ITGB8: variants seen among roughly 807,000 people sequenced by gnomAD.
ITGB8 encodes the protein integrin beta-8.
Under a neutral mutation model 89.5 loss-of-function variants are expected in ITGB8, and 30 were observed. That is an observed-to-expected ratio of 0.34 (90% CI 0.25 to 0.45). The LOEUF is 0.45. ITGB8 is among the 20% of genes least tolerant of loss of function. The probability of loss-of-function intolerance (pLI) is 1.00; values close to 1 mark genes in which losing one functional copy is unlikely to be tolerated. For synonymous variants in ITGB8, 335 were observed against 320.4 expected (o/e 1.05, Z -0.49); for missense variants, 836 against 933.3 (o/e 0.90, Z 1.36).
rs1269305964 is a variant in ITGB8, at chr7:20,398,958, C to A, written c.1245C>A (p.Gly415=). 1.2e-6 allele frequency: 2 copies of A among 1,613,462 alleles called. No individual in the cohort carries two copies. Among genetic ancestry groups the A allele is most frequent in the Non-Finnish European group, 1.7e-6 (2 of 1,179,830 alleles). The change falls in exon 9 of 14, where the codon GGC becomes GGA. Residue 415 remains glycine, a synonymous_variant. Transcript: ENST00000222573. ...AICPDGSRKP[G]MEGCRNVTSN... is the part of the protein sequence containing the mutation. ...GTCCAGATGGGTCCAGAAAGCCAGG[C>A]ATGGAAGGATGCAGAAACGTGACGA...
intron 1 of ITGB8, chr7:20,352,805 G>A (rs1165199602): frequency 6.6e-6 from 1 of 152,208 alleles, no homozygotes; most frequent in Non-Finnish European, 1.5e-5. Flanking sequence ...AGGAGTTTCA[G>A]TTTACACGTC....
intron 5 of ITGB8, 96 bp downstream of exon 5, chr7:20,380,927 T>A: frequency 9.3e-7 from 1 of 1,073,184 alleles, no homozygotes; most frequent in Non-Finnish European, 1.4e-6. Context: ...AGTGAAAACG[T>A]AGTGTAGAAG....
rs1183669789 is a variant in ITGB8, at chr7:20,411,845, G to A, written c.*1848G>A. ...GAACAGTGTTCCCTGGAGTTCTCCA[G>A]TGCTCAGCTTGAGACCTTGATACAC... is the stretch of plus-strand genomic sequence containing the variant. On this transcript the variant is annotated 3_prime_UTR_variant, in exon 14 of 14. Transcript: ENST00000222573. 6.6e-6 allele frequency: 1 copy of A among 152,228 alleles called. No individual in the cohort carries two copies. Among genetic ancestry groups the A allele is most frequent in the African/African-American group, 2.4e-5 (1 of 41,432 alleles). The allele number at this position is 152,228 out of a possible 1,614,324, so 9.4% of individuals were successfully genotyped here.
intron 8 of ITGB8, among the ~76,000 whole-genome samples, chr7:20,396,424 C>A (rs1263635239): frequency 1.3e-5 from 2 of 148,676 alleles, no homozygotes; most frequent in Non-Finnish European, 3.0e-5. Flanking sequence ...CAGAGCAAGA[C>A]TCCATCTCAA....
chr7:20,402,274 T>C, intron 10 of ITGB8, 148 bp downstream of exon 10: 1 of 634,862 alleles, frequency 1.6e-6, no homozygotes, highest in South Asian at 2.8e-5. Flanking sequence ...AATTAGGGCA[T>C]GGCAACAGAT....
chr7:20,403,017 T>C (rs1056449873), intron 10 of ITGB8, among the ~76,000 whole-genome samples: 1 of 152,228 alleles, frequency 6.6e-6, no homozygotes, highest in Non-Finnish European at 1.5e-5. Context: ...GTTAAATTAT[T>C]GACGAATGGA....
At chr7:20,347,553 A>G (rs118054694) in intron 1 of ITGB8, among the ~76,000 whole-genome samples, 2,923 of 152,356 alleles carry the variant, frequency 0.019, 51 homozygotes, top group Non-Finnish European at 0.028. Context: ...AGGCTGTGGT[A>G]GAGAGAGGAG....
intron 5 of ITGB8, 76 bp from the exon 6 acceptor site, chr7:20,381,651 A>T: frequency 1.8e-6 from 2 of 1,112,100 alleles, no homozygotes; most frequent in Non-Finnish European, 2.6e-6. Flanking sequence ...ACTCAAACGT[A>T]ATGTTTACTT....
chr7:20,397,458 T>C (rs991572738), intron 8 of ITGB8, among the ~76,000 whole-genome samples: 2 of 152,164 alleles, frequency 1.3e-5, no homozygotes, highest in African/African-American at 2.4e-5. Context: ...ACTGCTGATC[T>C]CAAGTGAGCC....
chr7:20,383,908 A>G (rs1225512697), intron 6 of ITGB8, among the ~76,000 whole-genome samples: 2 of 152,172 alleles, frequency 1.3e-5, no homozygotes, highest in Non-Finnish European at 2.9e-5. Context: ...GTTTGTTAAC[A>G]CCTTAGAAGG....
chr7:20,332,399 C>T (rs145537571), intron 1 of ITGB8, among the ~76,000 whole-genome samples: 55 of 152,218 alleles, frequency 3.6e-4, no homozygotes, highest in Non-Finnish European at 7.5e-4. Flanking sequence ...CAGAAAAAGA[C>T]AGCATACAAG....
intron 11 of ITGB8, 80 bp from the exon 12 acceptor site, chr7:20,405,982 C>CTTTT: frequency 3.6e-6 from 3 of 828,194 alleles, no homozygotes; most frequent in South Asian, 1.5e-5. Context: ...GTTATTTTGT[C>CTTTT]TTTTTTTTTC....
At position 20,353,931 on chromosome 7, in the gene ITGB8, CAAA is replaced by C. The variant is rs1158594685; in HGVS notation, c.128-9683_128-9681del. On this transcript the variant is annotated intron_variant, in intron 1 of 13. Transcript: ENST00000222573. The stretch of plus-strand genomic sequence containing the variant: ...TGGGCGACAGAGCGAGACTCCGTCT[CAAA>C]AAAAAAAAAAAAAAAAAAAAAAGAA... 1.3e-4 allele frequency among the ~76,000 whole-genome samples: 7 copies of C among 55,720 alleles called. No individual in the cohort carries two copies. The South Asian group carries it at 3.2e-3, about 26-fold the overall frequency. The allele number at this position is 55,720 out of a possible 152,430, so 36.6% of individuals were successfully genotyped here. A position where few individuals can be genotyped will look rare whatever the true frequency, so the allele number is the denominator to read the frequency against.
chr7:20,360,915 C>CTTTTTTTTTTTTTTTTT (rs1167974755), intron 1 of ITGB8, among the ~76,000 whole-genome samples: 2 of 80,912 alleles, frequency 2.5e-5, no homozygotes, highest in Non-Finnish European at 5.4e-5. Flanking sequence ...CAACTGCAGT[C>CTTTTTTTTTTTTTTTTT]TTTTTTTTTT....
chr7:20,353,326 A>G (rs1418585413), intron 1 of ITGB8: 2 of 152,220 alleles, frequency 1.3e-5, no homozygotes, highest in Admixed American at 6.5e-5. Flanking sequence ...TGAAACATAA[A>G]GATTATATAT....
intron 8 of ITGB8, among the ~76,000 whole-genome samples, chr7:20,397,066 T>A (rs1022964803): frequency 1.1e-4 from 16 of 152,194 alleles, no homozygotes; most frequent in African/African-American, 3.6e-4. Flanking sequence ...AAGAATTATA[T>A]AGAATCTGCC....
At chr7:20,401,029 C>T (rs1010810117) in intron 9 of ITGB8, among the ~76,000 whole-genome samples, 5 of 152,138 alleles carry the variant, frequency 3.3e-5, no homozygotes, top group African/African-American at 9.6e-5. Context: ...AGCTGTAGTG[C>T]AGTGGTGCAA....
intron 3 of ITGB8, among the ~76,000 whole-genome samples, chr7:20,378,323 C>T (rs1786238141): frequency 6.6e-6 from 1 of 152,198 alleles, no homozygotes; most frequent in Non-Finnish European, 1.5e-5. Context: ...GCCCCCTCCT[C>T]AGCATGTGTT....
At chr7:20,405,621 T>C (rs1015583619) in intron 11 of ITGB8, among the ~76,000 whole-genome samples, 8 of 152,018 alleles carry the variant, frequency 5.3e-5, no homozygotes, top group African/African-American at 1.9e-4. Context: ...CCCGGCCTTA[T>C]TTTTAATATT....
Sources: gnomAD v4.1 joint callset for allele counts (sites outside exome capture counted in the v4.1 genomes callset) on GRCh38, gnomAD v4.1.1 for gene constraint, MANE v1.5 for transcripts, NCBI Gene and HGNC (gene_info 2026-07-23, HGNC 2026-07-21) for gene names.